The following CNTNAP2 variants were observed in gnomAD, a reference collection of about 807,000 sequenced individuals.
CNTNAP2 encodes the protein contactin associated protein 2.
CNTNAP2 carries 98 observed loss-of-function variants against 155.2 expected under a neutral mutation model. That is an observed-to-expected ratio of 0.63 (90% CI 0.54 to 0.75). The LOEUF (loss-of-function observed/expected upper bound fraction) is 0.75, where lower values mean the gene tolerates loss of function less well. Among genes scored for constraint, CNTNAP2 ranks in the 30% least tolerant of loss-of-function variants. The pLI is 0.00. For missense variants in CNTNAP2, 1,727 were observed against 1,688.1 expected, an observed-to-expected ratio of 1.02 and a Z score of -0.40; for synonymous variants, 651 against 631.2, an observed-to-expected ratio of 1.03 and a Z score of -0.47.
chr7:146,902,828 ATC>A (rs1333558332), intron 3 of CNTNAP2, among the ~76,000 whole-genome samples: 10 of 152,160 alleles, frequency 6.6e-5, no homozygotes, highest in Non-Finnish European at 1.2e-4. Flanking sequence ...TGAGGATGAA[ATC>A]TCTGTTTCCC....
At chr7:147,511,593 G>A (rs900882020) in intron 11 of CNTNAP2, among the ~76,000 whole-genome samples, 27 of 151,624 alleles carry the variant, frequency 1.8e-4, no homozygotes, top group Middle Eastern at 3.4e-3. Context: ...TCTAAACTAA[G>A]CCCAGTTAAT....
At chr7:147,373,164 A>G (rs1439875035) in intron 9 of CNTNAP2, among the ~76,000 whole-genome samples, 3 of 152,068 alleles carry the variant, frequency 2.0e-5, no homozygotes, top group Admixed American at 1.3e-4. Context: ...CCTGAAAGTA[A>G]TATCAACAGG....
chr7:147,842,272 G>T (rs10952714), intron 13 of CNTNAP2, among the ~76,000 whole-genome samples: 1 of 151,942 alleles, frequency 6.6e-6, no homozygotes, highest in Non-Finnish European at 1.5e-5. Flanking sequence ...TCCAAACTTC[G>T]TGAGAGACAC....
chr7:147,706,294 C>CTTT (rs1796315656), intron 13 of CNTNAP2, among the ~76,000 whole-genome samples: 1 of 151,716 alleles, frequency 6.6e-6, no homozygotes, highest in South Asian at 2.1e-4. Flanking sequence ...GTAGGACTCC[C>CTTT]TTTAGCATTT....
At chr7:146,322,542 C>T (rs1045375949) in intron 1 of CNTNAP2, among the ~76,000 whole-genome samples, 1 of 147,746 alleles carries the variant, frequency 6.8e-6, no homozygotes, top group Non-Finnish European at 1.5e-5. Context: ...ATGAAACATA[C>T]AAATTTAAAT....
At chr7:147,332,142 T>C (rs1245049243) in intron 9 of CNTNAP2, among the ~76,000 whole-genome samples, 2 of 152,182 alleles carry the variant, frequency 1.3e-5, no homozygotes, top group Non-Finnish European at 1.5e-5. Context: ...AATGTTCGGA[T>C]GATCTTACCT....
chr7:147,587,846 G>A (rs964403659), intron 12 of CNTNAP2, among the ~76,000 whole-genome samples: 1 of 152,068 alleles, frequency 6.6e-6, no homozygotes, highest in Non-Finnish European at 1.5e-5. Context: ...CCCCATCATA[G>A]CATTGTTAGG....
intron 21 of CNTNAP2, among the ~76,000 whole-genome samples, chr7:148,289,250 T>A (rs73464188): frequency 0.15 from 22,559 of 152,058 alleles, 2,032 homozygotes; most frequent in African/African-American, 0.24. Context: ...ATCTTTTCTG[T>A]GAAAAGCAGG....
At chr7:146,147,047 GA>G (rs543082243) in intron 1 of CNTNAP2, among the ~76,000 whole-genome samples, 11 of 152,208 alleles carry the variant, frequency 7.2e-5, no homozygotes, top group African/African-American at 2.4e-4. Flanking sequence ...ATTGAATACA[GA>G]CTTTAATTTA....
At chr7:146,465,134 CCACA>C (rs35434111) in intron 1 of CNTNAP2, among the ~76,000 whole-genome samples, 1 of 149,742 alleles carries the variant, frequency 6.7e-6, no homozygotes, top group South Asian at 2.1e-4. Flanking sequence ...CACACACACA[CCACA>C]CACACACACA....
At chr7:146,556,550 T>A (rs987376554) in intron 1 of CNTNAP2, among the ~76,000 whole-genome samples, 18 of 152,108 alleles carry the variant, frequency 1.2e-4, no homozygotes, top group African/African-American at 4.3e-4. Flanking sequence ...TCCCTAATAT[T>A]CTGATCATAA....
At chr7:148,100,107 T>A (rs1804065080) in intron 15 of CNTNAP2, among the ~76,000 whole-genome samples, 1 of 151,984 alleles carries the variant, frequency 6.6e-6, no homozygotes, top group Admixed American at 6.6e-5. Flanking sequence ...CCTTCCCTCA[T>A]GATCCACTCG....
intron 3 of CNTNAP2, among the ~76,000 whole-genome samples, chr7:147,003,383 C>T (rs989140218): frequency 6.6e-6 from 1 of 151,192 alleles, no homozygotes; most frequent in African/African-American, 2.4e-5. Context: ...AAACAAAAAG[C>T]GAGAAAAAAA....
intron 1 of CNTNAP2, among the ~76,000 whole-genome samples, chr7:146,184,075 C>G (rs532773410): frequency 6.6e-6 from 1 of 152,274 alleles, no homozygotes; most frequent in East Asian, 1.9e-4. Context: ...TGCCCATGCT[C>G]AACTCCCAAG....
chr7:147,854,612 C>G (rs1799005626), intron 13 of CNTNAP2, among the ~76,000 whole-genome samples: 1 of 152,172 alleles, frequency 6.6e-6, no homozygotes, highest in Non-Finnish European at 1.5e-5. Context: ...TGCAGTCTAG[C>G]CCTGCATCAT....
chr7:146,370,761 T>C (rs1034778904), intron 1 of CNTNAP2, among the ~76,000 whole-genome samples: 2 of 152,188 alleles, frequency 1.3e-5, no homozygotes, highest in African/African-American at 4.8e-5. Context: ...CTCCCCATTA[T>C]TTGTATGGCA....
intron 6 of CNTNAP2, among the ~76,000 whole-genome samples, chr7:147,127,714 A>T (rs905972102): frequency 6.6e-6 from 1 of 152,196 alleles, no homozygotes; most frequent in Non-Finnish European, 1.5e-5. Context: ...ATAGTTATAT[A>T]TTCTCATTGA....
At chr7:146,629,562 A>G (rs1799476964) in intron 1 of CNTNAP2, among the ~76,000 whole-genome samples, 1 of 152,202 alleles carries the variant, frequency 6.6e-6, no homozygotes, top group Admixed American at 6.6e-5. Context: ...CCAAGGAATT[A>G]TGGCATATGA....
intron 1 of CNTNAP2, among the ~76,000 whole-genome samples, chr7:146,549,788 A>G (rs1178334170): frequency 6.6e-6 from 1 of 152,066 alleles, no homozygotes; most frequent in Non-Finnish European, 1.5e-5. Context: ...GGACATCAAT[A>G]GGTAAAACCA....
Sources: allele counts gnomAD v4.1 joint callset (sites outside exome capture counted in the v4.1 genomes callset), GRCh38; gene constraint gnomAD v4.1.1; transcripts MANE v1.5; gene names NCBI Gene and HGNC (gene_info 2026-07-23, HGNC 2026-07-21).